Variants in GFRA1 observed in about 807,000 individuals in gnomAD.
The protein encoded by GFRA1 is GDNF family receptor alpha-1.
GFRA1 carries 16 observed loss-of-function variants against 51.6 expected under a neutral mutation model. That is an observed-to-expected ratio of 0.31 (90% CI 0.21 to 0.47). The LOEUF is 0.47. Ranked by LOEUF, GFRA1 falls within the 20% of genes least tolerant of loss-of-function variation. The pLI is 1.00. For missense variants in GFRA1, 530 were observed against 594.3 expected (o/e 0.89, Z 1.13); for synonymous variants, 270 against 241.3 (o/e 1.12, Z -1.10).
At chr10:116,073,649 T>A (rs779714497) in intron 9 of GFRA1, among the ~76,000 whole-genome samples, 1 of 152,170 alleles carries the variant, frequency 6.6e-6, no homozygotes, top group Non-Finnish European at 1.5e-5. Context: ...TCTCAGAATG[T>A]GCAGTTGGGA....
chr10:116,199,465 T>C (rs149473860), intron 5 of GFRA1, among the ~76,000 whole-genome samples: 242 of 152,306 alleles, frequency 1.6e-3, no homozygotes, highest in African/African-American at 5.7e-3. Context: ...TTCAAATATG[T>C]AGCAAAGTTG....
intron 5 of GFRA1, among the ~76,000 whole-genome samples, chr10:116,199,716 T>A (rs1307359873): frequency 6.6e-6 from 1 of 152,246 alleles, no homozygotes; most frequent in South Asian, 2.1e-4. Context: ...TTGTTTCATT[T>A]TTTTTCCTTT....
Position 116,272,459 on chromosome 10 carries a change from G to T in GFRA1, c.-246-184C>A. 3.5e-6 allele frequency: 1 copy of T among 282,822 alleles called. No homozygotes were observed. The highest frequency in any genetic ancestry group is 4.2e-5 in the South Asian group (1 of 23,984). 17.5% of individuals were successfully genotyped at this position (282,822 alleles called of 1,614,324 possible). A position where few individuals can be genotyped will look rare whatever the true frequency, so the allele number is the denominator to read the frequency against. On this transcript the variant is annotated intron_variant, in intron 1 of 10. Transcript: ENST00000355422. The surrounding 1 kb of genome is among the most constrained non-coding windows in gnomAD (Gnocchi z 4.4). The stretch of plus-strand genomic sequence containing the variant: ...GGGCCGCTGACACGGGGATGGAGGT[G>T]AGGGCTGGAGAGGTCTGAAGAGGGT...
rs527619236 is a variant in GFRA1, at chr10:116,059,631, C to T, written c.*4767G>A. On this transcript the variant is annotated 3_prime_UTR_variant, in exon 11 of 11. Transcript: ENST00000355422. ...TAGGGTTTGTGCGCCTTCTCCACCC[C>T]TCTGGGCTGGGTCTCAGAACAATCA... 2 of 152,362 alleles carry T rather than the reference C, an allele frequency of 1.3e-5. No individual in the cohort carries two copies. The highest frequency in any genetic ancestry group is 4.8e-5 in the African/African-American group (2 of 41,570). The allele number at this position is 152,362 out of a possible 1,614,324, so 9.4% of individuals were successfully genotyped here.
intron 7 of GFRA1, among the ~76,000 whole-genome samples, chr10:116,094,281 T>C (rs765742060): frequency 3.3e-5 from 5 of 152,202 alleles, no homozygotes; most frequent in Admixed American, 6.5e-5. Flanking sequence ...TAGAGTGACA[T>C]AGGGAAGCTA....
intron 5 of GFRA1, among the ~76,000 whole-genome samples, chr10:116,195,812 T>G (rs1185134631): frequency 2.6e-5 from 4 of 152,186 alleles, no homozygotes; most frequent in Non-Finnish European, 5.9e-5. Flanking sequence ...GCAAACCCTA[T>G]TCAGTGAAAC....
At chr10:116,257,153 T>C (rs1016566176) in intron 4 of GFRA1, among the ~76,000 whole-genome samples, 1 of 152,292 alleles carries the variant, frequency 6.6e-6, no homozygotes, top group Admixed American at 6.5e-5. Flanking sequence ...CAATGAACCG[T>C]TGTCAGAGAC....
chr10:116,274,647 G>A (rs1467469306), upstream of GFRA1, among the ~76,000 whole-genome samples: 3 of 152,158 alleles, frequency 2.0e-5, no homozygotes, highest in Admixed American at 1.3e-4. Context: ...AAACCCGGGG[G>A]ACATCCTACG....
chr10:116,132,817 T>C (rs1157962317), intron 5 of GFRA1, among the ~76,000 whole-genome samples: 1 of 152,094 alleles, frequency 6.6e-6, no homozygotes, highest in Non-Finnish European at 1.5e-5. Flanking sequence ...GGGAGAATGA[T>C]TCAATTTACA....
At chr10:116,107,703 C>T (rs1957056868) in intron 6 of GFRA1, among the ~76,000 whole-genome samples, 1 of 152,078 alleles carries the variant, frequency 6.6e-6, no homozygotes, top group East Asian at 1.9e-4. Context: ...CTGTCTGTAC[C>T]CTCAGAAGGA....
intron 9 of GFRA1, among the ~76,000 whole-genome samples, chr10:116,077,321 C>T (rs1373988956): frequency 1.3e-5 from 2 of 152,172 alleles, no homozygotes; most frequent in East Asian, 1.9e-4. Flanking sequence ...CATCTGGCTA[C>T]ATTGTTGCTG....
intron 9 of GFRA1, among the ~76,000 whole-genome samples, chr10:116,068,989 T>G (rs962136514): frequency 6.6e-6 from 1 of 152,198 alleles, no homozygotes; most frequent in African/African-American, 2.4e-5. Flanking sequence ...AAGCACCTTT[T>G]ATTCCTGAGT....
At chr10:116,191,113 T>C (rs1191171333) in intron 5 of GFRA1, among the ~76,000 whole-genome samples, 1 of 152,180 alleles carries the variant, frequency 6.6e-6, no homozygotes, top group African/African-American at 2.4e-5. Context: ...TAAAAAGCAA[T>C]ATTACAAGCC....
intron 6 of GFRA1, among the ~76,000 whole-genome samples, chr10:116,102,890 T>C (rs1956870919): frequency 6.6e-6 from 1 of 152,178 alleles, no homozygotes; most frequent in African/African-American, 2.4e-5. Flanking sequence ...ATCAATCTAC[T>C]TGTATAAGTC....
intron 9 of GFRA1, among the ~76,000 whole-genome samples, chr10:116,081,707 A>C (rs1460367097): frequency 6.6e-6 from 1 of 152,226 alleles, no homozygotes; most frequent in Admixed American, 6.5e-5. Flanking sequence ...CTAAGTTATC[A>C]AAGCAAATTG....
upstream of GFRA1, among the ~76,000 whole-genome samples, chr10:116,273,677 C>G (rs1274672383): frequency 8.3e-6 from 1 of 119,962 alleles, no homozygotes; most frequent in Non-Finnish European, 1.7e-5. Flanking sequence ...CTCTGTCTCT[C>G]TCTCTCTCTC....
intron 5 of GFRA1, among the ~76,000 whole-genome samples, chr10:116,155,975 C>A (rs1029446848): frequency 2.0e-5 from 3 of 152,212 alleles, no homozygotes; most frequent in Non-Finnish European, 4.4e-5. Context: ...ACGATCAGCC[C>A]CGTGCAGGCC....
intron 6 of GFRA1, among the ~76,000 whole-genome samples, chr10:116,098,057 C>G (rs944787655): frequency 6.6e-6 from 1 of 152,160 alleles, no homozygotes. Context: ...CCCTTGTAAA[C>G]AAGGCTTGCC....
intron 5 of GFRA1, among the ~76,000 whole-genome samples, chr10:116,199,439 A>G (rs1031184528): frequency 6.6e-6 from 1 of 152,094 alleles, no homozygotes; most frequent in Admixed American, 6.6e-5. Context: ...TTTCCTCAAC[A>G]TTTTATTATA....
Sources: gnomAD v4.1 joint callset for allele counts (sites outside exome capture counted in the v4.1 genomes callset) on GRCh38, gnomAD v4.1.1 for gene constraint, Gnocchi (gnomAD v3.1) non-coding constraint, MANE v1.5 for transcripts, NCBI Gene and HGNC (gene_info 2026-07-23, HGNC 2026-07-21) for gene names.